The following KCNIP4 variants were observed in gnomAD, a reference collection of about 807,000 sequenced individuals.
KCNIP4 encodes potassium voltage-gated channel interacting protein 4.
KCNIP4 carries 12 observed loss-of-function variants against 34.0 expected under a neutral mutation model. The ratio of observed to expected loss-of-function variants is 0.35; its 90% CI spans 0.23 to 0.57. The LOEUF is 0.57. KCNIP4 is among the 20% of genes least tolerant of loss of function. The probability of loss-of-function intolerance (pLI) is 0.83; values close to 1 mark genes in which losing one functional copy is unlikely to be tolerated. For missense variants in KCNIP4, 238 were observed against 311.7 expected (o/e 0.76, Z 1.78); for synonymous variants, 124 against 102.2 (o/e 1.21, Z -1.29).
intron 1 of KCNIP4, among the ~76,000 whole-genome samples, chr4:21,450,204 C>A (rs1728396404): frequency 1.3e-5 from 2 of 152,254 alleles, no homozygotes; most frequent in East Asian, 1.9e-4. Context: ...CCTGGAGTAT[C>A]ATCTTTCTTA....
At chr4:20,741,944 CTA>C (rs1751217956) in intron 5 of KCNIP4, among the ~76,000 whole-genome samples, 1 of 152,214 alleles carries the variant, frequency 6.6e-6, no homozygotes. Flanking sequence ...ATGAACACCT[CTA>C]TGCGAATAAA....
intron 1 of KCNIP4, among the ~76,000 whole-genome samples, chr4:21,443,551 G>T (rs916027707): frequency 6.6e-6 from 1 of 152,158 alleles, no homozygotes; most frequent in Admixed American, 6.5e-5. Flanking sequence ...TGCCTTAAGA[G>T]CAATGACAAA....
chr4:21,399,623 T>G (rs1723302177), intron 1 of KCNIP4, among the ~76,000 whole-genome samples: 1 of 151,364 alleles, frequency 6.6e-6, no homozygotes, highest in African/African-American at 2.4e-5. Context: ...TACAGGAGGC[T>G]TGGTTAAATT....
chr4:21,573,310 A>G (rs1390453102), intron 1 of KCNIP4, among the ~76,000 whole-genome samples: 1 of 152,116 alleles, frequency 6.6e-6, no homozygotes, highest in Non-Finnish European at 1.5e-5. Flanking sequence ...TCCCCACTTT[A>G]TGACTGAGGG....
chr4:20,874,487 T>C lies in KCNIP4; in HGVS notation c.163+8121A>G, dbSNP rs145335449. ...AATAGTGTTCCATAAATGTCTGCCA[T>C]ATTGAAGTGAAATTCATTAAATTTG... On this transcript the variant is annotated intron_variant, in intron 2 of 8. Coordinates refer to ENST00000382152, the MANE Select transcript of KCNIP4 (RefSeq NM_025221.6). 1.4e-4 allele frequency among the ~76,000 whole-genome samples: 22 copies of C among 152,302 alleles called. No individual in the cohort carries two copies. In the East Asian group the frequency reaches 3.7e-3, roughly 25 times the overall value.
chr4:21,843,383 G>A (rs1723805497), intron 1 of KCNIP4: 1 of 151,998 alleles, frequency 6.6e-6, no homozygotes, highest in South Asian at 2.1e-4. Flanking sequence ...GTTTGATGGG[G>A]TTTAAGACAT....
rs116298718 is a variant in KCNIP4, at chr4:21,763,321, G to A, written c.61+185250C>T. 8.8e-3 allele frequency among the ~76,000 whole-genome samples: 1,337 copies of A among 152,274 alleles called. 19 individuals are homozygous for A. Among genetic ancestry groups the A allele is most frequent in the South Asian group, 0.039 (188 of 4,830 alleles). ...GCTGGTGATTATGGTTATATACATA[G>A]AGACAAAACGGGCAACTAGCTTAGC... On this transcript the variant is annotated intron_variant, in intron 1 of 8. Coordinates refer to ENST00000382152, the MANE Select transcript of KCNIP4 (RefSeq NM_025221.6).
At chr4:20,941,814 A>T (rs1731670085) in intron 1 of KCNIP4, among the ~76,000 whole-genome samples, 1 of 152,220 alleles carries the variant, frequency 6.6e-6, no homozygotes, top group African/African-American at 2.4e-5. Context: ...TAGAGAAATG[A>T]GAAAAATATT....
chr4:21,350,285 T>C (rs1420866741), intron 1 of KCNIP4, among the ~76,000 whole-genome samples: 2 of 151,864 alleles, frequency 1.3e-5, no homozygotes, highest in African/African-American at 4.8e-5. Flanking sequence ...AATGAAGGAG[T>C]AGAGATGATT....
chr4:21,690,604 G>A (rs1344071834), intron 1 of KCNIP4, among the ~76,000 whole-genome samples: 1 of 152,146 alleles, frequency 6.6e-6, no homozygotes, highest in Non-Finnish European at 1.5e-5. Flanking sequence ...CAGAAGCCAA[G>A]AAGATACTGG....
chr4:20,745,979 A>T (rs1320734449), intron 5 of KCNIP4, among the ~76,000 whole-genome samples: 3 of 152,218 alleles, frequency 2.0e-5, no homozygotes, highest in Non-Finnish European at 2.9e-5. Flanking sequence ...CGATTCCTCA[A>T]GGATCTAGAA....
intron 1 of KCNIP4, among the ~76,000 whole-genome samples, chr4:21,735,750 A>G (rs544173346): frequency 6.6e-6 from 1 of 152,298 alleles, no homozygotes; most frequent in African/African-American, 2.4e-5. Flanking sequence ...GATAAGCAAA[A>G]TCTGTCACGC....
chr4:21,896,736 T>G (rs1481887657), intron 1 of KCNIP4, among the ~76,000 whole-genome samples: 1 of 151,944 alleles, frequency 6.6e-6, no homozygotes, highest in Non-Finnish European at 1.5e-5. Context: ...CTGGCCAACA[T>G]AGTGAAAACC....
intron 1 of KCNIP4, among the ~76,000 whole-genome samples, chr4:21,858,892 A>G (rs1457900551): frequency 6.6e-6 from 1 of 152,210 alleles, no homozygotes; most frequent in Non-Finnish European, 1.5e-5. Flanking sequence ...CATATAGAGT[A>G]TTAATTGTTT....
At chr4:20,824,506 C>T (rs1717485480) in intron 3 of KCNIP4, among the ~76,000 whole-genome samples, 2 of 151,990 alleles carry the variant, frequency 1.3e-5, no homozygotes, top group African/African-American at 4.8e-5. Context: ...ATGGTGAAAC[C>T]CCATCTCTAC....
intron 1 of KCNIP4, among the ~76,000 whole-genome samples, chr4:21,487,508 TC>T (rs34332657): frequency 0.2 from 30,962 of 151,988 alleles, 3,307 homozygotes; most frequent in South Asian, 0.33. Context: ...TTTTTTATCC[TC>T]CCTTTCCATA....
At chr4:21,387,984 C>T (rs779481723) in intron 1 of KCNIP4, among the ~76,000 whole-genome samples, 7 of 151,368 alleles carry the variant, frequency 4.6e-5, no homozygotes, top group Non-Finnish European at 1.0e-4. Flanking sequence ...GAGTGGAGAG[C>T]AATAGATATC....
chr4:21,103,684 T>C (rs1748179668), intron 1 of KCNIP4, among the ~76,000 whole-genome samples: 1 of 151,260 alleles, frequency 6.6e-6, no homozygotes, highest in South Asian at 2.1e-4. Flanking sequence ...GCTGCACCAA[T>C]TAACTCTTCA....
intron 1 of KCNIP4, among the ~76,000 whole-genome samples, chr4:21,088,747 C>T (rs1746698256): frequency 6.6e-6 from 1 of 152,044 alleles, no homozygotes; most frequent in Non-Finnish European, 1.5e-5. Context: ...GATGTTTTGC[C>T]TTCTCTCCCT....
Sources: allele counts gnomAD v4.1 joint callset (sites outside exome capture counted in the v4.1 genomes callset), GRCh38; gene constraint gnomAD v4.1.1; transcripts MANE v1.5; gene names NCBI Gene and HGNC (gene_info 2026-07-23, HGNC 2026-07-21).